Variants in TTC23L observed in about 807,000 individuals in gnomAD.
The protein encoded by TTC23L is tetratricopeptide repeat protein 23-like.
In TTC23L, 42 loss-of-function variants were observed where a neutral mutation model predicts 48.1. That is an observed-to-expected ratio of 0.87 (90% CI 0.68 to 1.13). The LOEUF is 1.13. Among genes scored for constraint, TTC23L ranks in the 50% most tolerant of loss-of-function variants. TTC23L has a pLI of 0.00. For synonymous variants in TTC23L, 159 were observed against 157.2 expected, an observed-to-expected ratio of 1.01 and a Z score of -0.09; for missense variants, 391 against 421.0, an observed-to-expected ratio of 0.93 and a Z score of 0.62.
At chr5:34,922,412 C>T in the TTC23L span, 214 of 892,440 alleles carry the variant, frequency 2.4e-4, no homozygotes, top group African/African-American at 2.6e-3. Flanking sequence ...TTTGATTTCA[C>T]GAAACTTGAT....
At chr5:34,842,777 T>C (rs1758793984) in intron 2 of TTC23L, among the ~76,000 whole-genome samples, 1 of 152,214 alleles carries the variant, frequency 6.6e-6, no homozygotes, top group African/African-American at 2.4e-5. Flanking sequence ...ATAAACAGTT[T>C]GCTGTTTGAT....
intron 4 of TTC23L, among the ~76,000 whole-genome samples, chr5:34,858,916 C>T (rs1317691906): frequency 6.6e-6 from 1 of 152,176 alleles, no homozygotes; most frequent in Non-Finnish European, 1.5e-5. Context: ...CAATGTGGGG[C>T]CTAGTCGTGT....
chr5:34,916,416 G>C, the TTC23L span: 1 of 152,612 alleles, frequency 6.6e-6, no homozygotes, highest in Admixed American at 6.5e-5. Flanking sequence ...TAGGTAGTAT[G>C]AGCTTTACTT....
the TTC23L span, chr5:34,915,071 C>T: frequency 6.6e-6 from 4 of 606,354 alleles, no homozygotes; most frequent in East Asian, 8.3e-5. Context: ...CTGACCAGGC[C>T]GAACCCCACC....
intron 8 of TTC23L, among the ~76,000 whole-genome samples, chr5:34,879,048 A>G (rs891012775): frequency 6.6e-6 from 1 of 152,210 alleles, no homozygotes; most frequent in Non-Finnish European, 1.5e-5. Context: ...TTGCAGCAAA[A>G]TGGATGGAAC....
chr5:34,924,484 T>G, the TTC23L span, among the ~76,000 whole-genome samples: 4 of 152,222 alleles, frequency 2.6e-5, no homozygotes, highest in South Asian at 8.3e-4. Flanking sequence ...GGGATTGATT[T>G]AAGTTTCAAG....
At chr5:34,918,361 T>C in the TTC23L span, 5 of 1,364,170 alleles carry the variant, frequency 3.7e-6, no homozygotes, top group Non-Finnish European at 5.2e-6. Context: ...TCTTTTTCTT[T>C]AGGGAAAGTG....
intron 9 of TTC23L, among the ~76,000 whole-genome samples, chr5:34,882,621 ACACAC>A (rs1762295584): frequency 1.9e-5 from 1 of 51,488 alleles, no homozygotes; most frequent in Non-Finnish European, 5.2e-5. Context: ...CATGGACTAC[ACACAC>A]ACACACACAC....
chr5:34,861,318 T>C, intron 4 of TTC23L: 1 of 165,108 alleles, frequency 6.1e-6, no homozygotes, highest in Non-Finnish European at 1.3e-5. Context: ...TTTGCTGACC[T>C]TTATAGTGTC....
intron 4 of TTC23L, among the ~76,000 whole-genome samples, chr5:34,855,504 G>T (rs984081850): frequency 1.3e-5 from 2 of 152,138 alleles, no homozygotes; most frequent in African/African-American, 4.8e-5. Flanking sequence ...AAGAGTCTAC[G>T]AACGACAGAT....
the TTC23L span, chr5:34,923,384 T>G: frequency 1.6e-6 from 1 of 627,650 alleles, no homozygotes; most frequent in Non-Finnish European, 2.8e-6. Context: ...GGTTCAAGCT[T>G]CTGCTCCCTC....
chr5:34,849,065 A>G (rs1413416182), intron 3 of TTC23L, among the ~76,000 whole-genome samples: 3 of 152,216 alleles, frequency 2.0e-5, no homozygotes, highest in Non-Finnish European at 4.4e-5. Context: ...GCAAGAATAA[A>G]CCATGTGTCC....
intron 9 of TTC23L, 137 bp downstream of exon 9, chr5:34,880,445 T>G (rs1762148668): frequency 1.2e-5 from 11 of 935,112 alleles, no homozygotes; most frequent in African/African-American, 1.7e-5. Context: ...TGTTTCATTC[T>G]TTGCTAGCAT....
intron 6 of TTC23L, 38 bp downstream of exon 6, chr5:34,864,600 A>G (rs768075215): frequency 6.3e-7 from 1 of 1,593,370 alleles, no homozygotes; most frequent in East Asian, 2.2e-5. Context: ...GCTTTTATGA[A>G]TGAGGCTTGG....
chr5:34,896,950 G>A, intron 10 of TTC23L, 75 bp downstream of exon 10: 2 of 604,504 alleles, frequency 3.3e-6, no homozygotes, highest in Non-Finnish European at 6.1e-6. Context: ...TCCAAGGGAT[G>A]TGTGCCAGTT....
intron 9 of TTC23L, among the ~76,000 whole-genome samples, chr5:34,892,518 G>C (rs1762935196): frequency 2.0e-5 from 3 of 152,102 alleles, no homozygotes. Context: ...GTATGTTTAA[G>C]ATATAGTCCC....
intron 9 of TTC23L, 142 bp downstream of exon 9, chr5:34,880,450 T>C: frequency 1.1e-6 from 1 of 912,600 alleles, no homozygotes. Flanking sequence ...CATTCTTTGC[T>C]AGCATTAACC....
In TTC23L at chr5:34,866,957, T is replaced by TTA. The variant is rs774636289; in HGVS notation, c.730_731dup (p.Ala245LeufsTer11). On this transcript the variant is annotated frameshift_variant, in exon 7 of 11. Coordinates refer to ENST00000505624, the Ensembl canonical transcript of TTC23L. LOFTEE classifies it high-confidence loss of function. Reference sequence around the variant, plus strand: ...TACTTTGAAAAGGCAATTGGCGATGTTATTGCTGCCAAGGGTGATAGGACG... The same window carrying TTA: ...TACTTTGAAAAGGCAATTGGCGATGTTATATTGCTGCCAAGGGTGATAGGACG... 9.3e-6 allele frequency: 15 copies of TTA among 1,610,522 alleles called. No homozygotes were observed. Among genetic ancestry groups the TTA allele is most frequent in the African/African-American group, 4.0e-5 (3 of 74,916 alleles).
intron 4 of TTC23L, chr5:34,861,269 TG>T (rs1394130463): frequency 6.4e-6 from 1 of 155,668 alleles, no homozygotes; most frequent in African/African-American, 2.4e-5. Flanking sequence ...CCCAGCCAGA[TG>T]CTGTATTTCT....
Sources: gnomAD v4.1 joint callset for allele counts (sites outside exome capture counted in the v4.1 genomes callset) on GRCh38, gnomAD v4.1.1 for gene constraint, MANE v1.5 for transcripts, NCBI Gene and HGNC (gene_info 2026-07-23, HGNC 2026-07-21) for gene names.